The following CAMTA1 variants were observed in gnomAD, a reference collection of about 807,000 sequenced individuals.
The protein encoded by CAMTA1 is calmodulin-binding transcription activator 1.
In CAMTA1, 27 loss-of-function variants were observed where a neutral mutation model predicts 170.9. That is an observed-to-expected ratio of 0.16 (90% CI 0.12 to 0.22). The LOEUF (loss-of-function observed/expected upper bound fraction) is 0.22. CAMTA1 is among the 10% of genes least tolerant of loss of function. The pLI is 1.00. For missense variants in CAMTA1, 1,619 were observed against 2,217.2 expected, an observed-to-expected ratio of 0.73 and a Z score of 5.42; for synonymous variants, 833 against 891.5, an observed-to-expected ratio of 0.93 and a Z score of 1.17.
In CAMTA1 at chr1:7,146,086, CT is replaced by C. The variant is rs530365740; in HGVS notation, c.302+54723del. Among the ~76,000 whole-genome samples, 243 of 152,204 alleles carry C rather than the reference CT, an allele frequency of 1.6e-3. No individual in the cohort carries two copies. Among genetic ancestry groups the C allele is most frequent in the African/African-American group, 5.5e-3 (229 of 41,534 alleles). ...ACTATGCCCAGTGCTTTAATTGGAT[CT>C]TTTTTTTAAAATGGGATGATTGTAA... is the stretch of plus-strand genomic sequence containing the variant. On this transcript the variant is annotated intron_variant, in intron 4 of 22. Transcript: ENST00000303635. This position sits in a 1 kb window ranked among gnomAD's most constrained non-coding sequence, Gnocchi z 4.3.
chr1:7,282,394 C>G (rs1464886368), intron 5 of CAMTA1, among the ~76,000 whole-genome samples: 1 of 152,170 alleles, frequency 6.6e-6, no homozygotes, highest in East Asian at 1.9e-4. Context: ...GCTCTCACCT[C>G]TCTGATAACT....
chr1:7,586,241 G>A (rs9988575), intron 6 of CAMTA1, among the ~76,000 whole-genome samples: 9,830 of 152,154 alleles, frequency 0.065, 435 homozygotes, highest in African/African-American at 0.11. Context: ...GTGGGGATCC[G>A]CACTTGAGTT....
chr1:7,017,208 A>G (rs1222376365), intron 3 of CAMTA1, among the ~76,000 whole-genome samples: 1 of 152,204 alleles, frequency 6.6e-6, no homozygotes. Flanking sequence ...GTTGCCACAC[A>G]TGCCTTGTGA....
intron 3 of CAMTA1, among the ~76,000 whole-genome samples, chr1:6,846,246 A>T (rs1658091754): frequency 6.6e-6 from 1 of 152,240 alleles, no homozygotes; most frequent in African/African-American, 2.4e-5. Flanking sequence ...CTTTACTTAT[A>T]CTTAAAAGTA....
chr1:7,497,606 T>C (rs1189438138), intron 6 of CAMTA1, among the ~76,000 whole-genome samples: 1 of 152,236 alleles, frequency 6.6e-6, no homozygotes, highest in Non-Finnish European at 1.5e-5. Context: ...CATTGCGTGG[T>C]GCCTTCCATT....
intron 5 of CAMTA1, among the ~76,000 whole-genome samples, chr1:7,287,503 C>T (rs1384876927): frequency 6.6e-6 from 1 of 152,178 alleles, no homozygotes; most frequent in Non-Finnish European, 1.5e-5. Flanking sequence ...ATCATCATCA[C>T]CACTGATATT....
intron 3 of CAMTA1, among the ~76,000 whole-genome samples, chr1:6,896,355 A>T (rs1675666376): frequency 6.6e-6 from 1 of 152,266 alleles, no homozygotes; most frequent in Non-Finnish European, 1.5e-5. Flanking sequence ...TTCCTGGGGC[A>T]GTGGGATGGC....
At chr1:7,337,469 G>A (rs147534729) in intron 5 of CAMTA1, among the ~76,000 whole-genome samples, 13 of 151,994 alleles carry the variant, frequency 8.6e-5, no homozygotes, top group East Asian at 2.0e-4. Flanking sequence ...TTGACCCTCC[G>A]TAATGTGCAT....
rs991570559 is a variant in CAMTA1 at position 7,106,198 on chromosome 1, C to A, written c.302+14827C>A. ...ACCCTTCAGATCTGGGATCTCAATC[C>A]TTTTAACAACCTGCAAAGTAGGTAA... On this transcript the variant is annotated intron_variant, in intron 4 of 22. Transcript: ENST00000303635. Among the ~76,000 whole-genome samples the A allele has an allele frequency of 5.9e-5, 9 of 151,730 alleles. 1 individual carries two copies. In the East Asian group the frequency reaches 1.4e-3, roughly 23 times the overall value.
At chr1:7,211,634 C>T (rs534960442) in intron 4 of CAMTA1, among the ~76,000 whole-genome samples, 39 of 152,136 alleles carry the variant, frequency 2.6e-4, no homozygotes, top group Admixed American at 5.9e-4. Flanking sequence ...AGCAAAATGT[C>T]CCAAGGTCGC....
rs113648474 is a variant in CAMTA1 at position 7,022,314 on chromosome 1, A to G, written c.235-68990A>G. On this transcript the variant is annotated intron_variant, in intron 3 of 22. Coordinates refer to ENST00000303635, the MANE Select transcript of CAMTA1 (RefSeq NM_015215.4). ...ACTCTTTATGATCCCTTCCCTCCAG[A>G]CTTTGGCTGGCTGGCTGTTGAGGTG... 2.9e-3 allele frequency among the ~76,000 whole-genome samples: 447 copies of G among 152,096 alleles called. 4 individuals carry two copies. The highest frequency in any genetic ancestry group is 0.01 in the African/African-American group (418 of 41,464).
intron 5 of CAMTA1, among the ~76,000 whole-genome samples, chr1:7,272,692 C>CAAAAAAAACAAAAAAAAAAAA (rs1669987328): frequency 2.6e-5 from 1 of 38,802 alleles, no homozygotes; most frequent in Non-Finnish European, 4.6e-5. Flanking sequence ...TAAACACATG[C>CAAAAAAAACAAAAAAAAAAAA]AAAAAAAAAA....
At chr1:7,272,692 C>CAAAAAAAAAA (rs371588178) in intron 5 of CAMTA1, among the ~76,000 whole-genome samples, 612 of 38,754 alleles carry the variant, frequency 0.016, 25 homozygotes, top group East Asian at 0.028. Flanking sequence ...TAAACACATG[C>CAAAAAAAAAA]AAAAAAAAAA....
chr1:6,931,507 G>A (rs538876660), intron 3 of CAMTA1, among the ~76,000 whole-genome samples: 60 of 152,250 alleles, frequency 3.9e-4, no homozygotes, highest in African/African-American at 1.4e-3. Context: ...TCACGCAGAT[G>A]ATAATTTAGG....
chr1:6,797,294 C>T (rs1479629258), intron 1 of CAMTA1, among the ~76,000 whole-genome samples: 3 of 152,062 alleles, frequency 2.0e-5, no homozygotes, highest in African/African-American at 4.8e-5. Flanking sequence ...CTACAGGGCT[C>T]AAGTGATCCT....
chr1:6,985,427 C>G (rs1021547108), intron 3 of CAMTA1, among the ~76,000 whole-genome samples: 1 of 152,226 alleles, frequency 6.6e-6, no homozygotes, highest in Non-Finnish European at 1.5e-5. Flanking sequence ...GAAGAAACCC[C>G]TTTATGCACT....
At chr1:6,822,794 CCACA>C (rs3061932) in intron 2 of CAMTA1, among the ~76,000 whole-genome samples, 7,787 of 146,512 alleles carry the variant, frequency 0.053, 217 homozygotes, top group South Asian at 0.066. Flanking sequence ...TACATAAATA[CCACA>C]CACACACACA....
chr1:6,809,332 C>T lies in CAMTA1; in HGVS notation c.46-10849C>T, dbSNP rs112140993. ...GTGAGCCACCGCGCCTGGCCGGTAT[C>T]GCTGTTTTTAAGGCGTCATTGGGTA... On this transcript the variant is annotated intron_variant, in intron 1 of 22. Transcript: ENST00000303635. 9.9e-3 allele frequency among the ~76,000 whole-genome samples: 1,508 copies of T among 152,108 alleles called. 9 individuals are homozygous for T. Among genetic ancestry groups the T allele is most frequent in the Non-Finnish European group, 0.016 (1,074 of 67,960 alleles).
rs533046803 is a variant in CAMTA1 at position 7,096,400 on chromosome 1, G to A, written c.302+5029G>A. Among the ~76,000 whole-genome samples the A allele has an allele frequency of 2.0e-5, 3 of 152,218 alleles. No homozygotes were observed. In the South Asian group the frequency reaches 6.3e-4, roughly 32 times the overall value. On this transcript the variant is annotated intron_variant, in intron 4 of 22. Coordinates refer to ENST00000303635, the MANE Select transcript of CAMTA1 (RefSeq NM_015215.4). ...GGCTCCCAGGACTCCCCGACACCAT[G>A]GTCTCACCGTCAAGTCTCTGTGGAT...
Sources: allele counts gnomAD v4.1 joint callset (sites outside exome capture counted in the v4.1 genomes callset), GRCh38; gene constraint gnomAD v4.1.1; non-coding constraint Gnocchi (gnomAD v3.1); transcripts MANE v1.5; gene names NCBI Gene and HGNC (gene_info 2026-07-23, HGNC 2026-07-21).